Variants in PLA2G5 observed in about 807,000 individuals in gnomAD.
PLA2G5 encodes Ca2+-dependent phospholipase A2.
In PLA2G5, 12 loss-of-function variants were observed where a neutral mutation model predicts 15.9. The observed-to-expected ratio is 0.76, with a 90% CI of 0.48 to 1.23. The LOEUF (loss-of-function observed/expected upper bound fraction) is 1.23. Ranked by LOEUF, PLA2G5 falls within the 50% of genes most tolerant of loss-of-function variation. PLA2G5 has a pLI of 0.00. For synonymous variants in PLA2G5, 71 were observed against 71.4 expected, an observed-to-expected ratio of 0.99 and a Z score of 0.03; for missense variants, 169 against 177.1, an observed-to-expected ratio of 0.95 and a Z score of 0.26.
At chr1:20,059,431 AAG>A (rs548383677) in intron 1 of PLA2G5, among the ~76,000 whole-genome samples, 6 of 151,936 alleles carry the variant, frequency 3.9e-5, no homozygotes, top group Non-Finnish European at 7.4e-5. Flanking sequence ...TAAAAAAAAA[AAG>A]AGAGAGAGAG....
chr1:20,079,110 T>C, intron 1 of PLA2G5, among the ~76,000 whole-genome samples: 2 of 61,816 alleles, frequency 3.2e-5, no homozygotes, highest in Admixed American at 2.0e-4. Context: ...ACAGACCCTG[T>C]CTCAAAAAAA....
intron 1 of PLA2G5, among the ~76,000 whole-genome samples, chr1:20,046,399 A>T (rs979019212): frequency 6.6e-6 from 1 of 152,246 alleles, no homozygotes. Flanking sequence ...AAAAACAAAC[A>T]AACAAAAATC....
At chr1:20,073,791 A>T (rs916265010) in intron 1 of PLA2G5, among the ~76,000 whole-genome samples, 1 of 151,888 alleles carries the variant, frequency 6.6e-6, no homozygotes, top group African/African-American at 2.4e-5. Context: ...AATCACTTGA[A>T]CCTGAGAGGC....
At chr1:20,086,374 C>T (rs1183505910) in intron 3 of PLA2G5, 147 bp downstream of exon 3, 2 of 917,356 alleles carry the variant, frequency 2.2e-6, no homozygotes, top group Non-Finnish European at 3.3e-6. Context: ...AGCTGGCAAT[C>T]CCAAGATCTC....
chr1:20,087,416 C>T (rs927083751), intron 3 of PLA2G5, among the ~76,000 whole-genome samples: 2 of 151,458 alleles, frequency 1.3e-5, no homozygotes, highest in Non-Finnish European at 2.9e-5. Flanking sequence ...TTTTTTGAGA[C>T]GGAGTCTTGC....
At chr1:20,036,297 C>T (rs2013245618) in intron 1 of PLA2G5, among the ~76,000 whole-genome samples, 1 of 152,142 alleles carries the variant, frequency 6.6e-6, no homozygotes, top group African/African-American at 2.4e-5. Context: ...CTAGCAAGGC[C>T]AGAAAAATTT....
chr1:20,062,591 T>G (rs1363600806), intron 2 of PLA2G5, among the ~76,000 whole-genome samples: 4 of 152,076 alleles, frequency 2.6e-5, no homozygotes, highest in African/African-American at 7.2e-5. Context: ...CTCAGGAGTT[T>G]CAGACCAGCC....
chr1:20,089,855 G>C lies in PLA2G5; in HGVS notation c.252G>C (p.Gln84His). The change falls in exon 4 of 5, where the codon CAG becomes CAC. Residue 84 changes from glutamine (Q) to histidine (H), a missense_variant. By Grantham distance (24) the Gln-to-His change is conservative. Coordinates refer to ENST00000375108, the MANE Select transcript of PLA2G5 (RefSeq NM_000929.3). ...LEEKGCNIRT[Q>H]SYKYRFAWGV... The stretch of plus-strand genomic sequence containing the variant: ...AGAAGGGCTGCAACATTCGCACACA[G>C]TCCTACAAATACAGATTCGCGTGGG... The C allele has an allele frequency of 6.2e-7, 1 of 1,614,124 alleles. No individual in the cohort carries two copies. The highest frequency in any genetic ancestry group is 8.5e-7 in the Non-Finnish European group (1 of 1,179,988).
intron 1 of PLA2G5, among the ~76,000 whole-genome samples, chr1:20,029,089 G>A (rs2012736576): frequency 6.6e-6 from 1 of 152,314 alleles, no homozygotes; most frequent in East Asian, 1.9e-4. Flanking sequence ...AGGGCTTTCT[G>A]TATCCTGTGA....
Position 20,084,764 on chromosome 1 carries a change from A to G in PLA2G5, c.-10-57A>G, listed in dbSNP as rs1166116644. 24 of 1,176,010 alleles carry G rather than the reference A, an allele frequency of 2.0e-5. No individual in the cohort carries two copies. In the Admixed American group the frequency reaches 3.7e-4, roughly 18 times the overall value. The allele number at this position is 1,176,010 out of a possible 1,614,324, so 72.8% of individuals were successfully genotyped here. A position where few individuals can be genotyped will look rare whatever the true frequency, so the allele number is the denominator to read the frequency against. The stretch of plus-strand genomic sequence containing the variant: ...GGTGGAGAGCCAGGGTGGGATCTGA[A>G]TGGGCCACGGGGGCATTGCCTGATA... On this transcript the variant is annotated intron_variant, in intron 1 of 4. Coordinates refer to ENST00000375108, the MANE Select transcript of PLA2G5 (RefSeq NM_000929.3).
intron 1 of PLA2G5, among the ~76,000 whole-genome samples, chr1:20,076,383 C>T (rs1269339629): frequency 6.6e-6 from 1 of 152,178 alleles, no homozygotes; most frequent in Non-Finnish European, 1.5e-5. Context: ...ACTCAGCTCT[C>T]ACTTTTCCAC....
At chr1:20,030,267 A>G (rs1293071565) in intron 1 of PLA2G5, among the ~76,000 whole-genome samples, 3 of 151,790 alleles carry the variant, frequency 2.0e-5, no homozygotes, top group Non-Finnish European at 2.9e-5. Context: ...GTAATGGTGG[A>G]GAGAGGGTCA....
At chr1:20,052,329 C>T (rs963207180) in intron 1 of PLA2G5, among the ~76,000 whole-genome samples, 3 of 152,114 alleles carry the variant, frequency 2.0e-5, no homozygotes, top group African/African-American at 7.2e-5. Flanking sequence ...CTTTATTCCT[C>T]CATTTTTCCT....
intron 2 of PLA2G5, among the ~76,000 whole-genome samples, chr1:20,060,247 C>CTTTTTTTTTTTTTTTTTTTTTTTTT (rs71585739): frequency 1.2e-5 from 1 of 83,690 alleles, no homozygotes; most frequent in Non-Finnish European, 2.1e-5. Context: ...CTTTTTTCTT[C>CTTTTTTTTTTTTTTTTTTTTTTTTT]TTTTTTTTTT....
chr1:20,088,826 G>A (rs999854851), intron 3 of PLA2G5: 2 of 152,454 alleles, frequency 1.3e-5, no homozygotes, highest in African/African-American at 4.8e-5. Flanking sequence ...TTGAGACAGG[G>A]TCTCACTCTG....
intron 1 of PLA2G5, among the ~76,000 whole-genome samples, chr1:20,055,756 C>T (rs142489796): frequency 1.1e-4 from 16 of 152,262 alleles, no homozygotes; most frequent in African/African-American, 3.4e-4. Flanking sequence ...CTTAAAGTTG[C>T]AGGAGGTCTA....
At chr1:20,069,905 T>C (rs1284848357), upstream of PLA2G5, among the ~76,000 whole-genome samples, 5 of 151,970 alleles carry the variant, frequency 3.3e-5, no homozygotes, top group Non-Finnish European at 7.4e-5. Flanking sequence ...CAGTATTGTG[T>C]TCATGTTCTT....
At chr1:20,076,073 T>C (rs2015656857) in intron 1 of PLA2G5, among the ~76,000 whole-genome samples, 1 of 151,980 alleles carries the variant, frequency 6.6e-6, no homozygotes, top group South Asian at 2.1e-4. Flanking sequence ...GGGTTTCACC[T>C]CACTGGCCAG....
intron 1 of PLA2G5, among the ~76,000 whole-genome samples, chr1:20,074,359 G>A (rs2015556446): frequency 6.6e-6 from 1 of 152,172 alleles, no homozygotes; most frequent in African/African-American, 2.4e-5. Flanking sequence ...AGGGCAGGGA[G>A]CACAAAATAA....
Sources: allele counts gnomAD v4.1 joint callset (sites outside exome capture counted in the v4.1 genomes callset), GRCh38; gene constraint gnomAD v4.1.1; transcripts MANE v1.5; gene names NCBI Gene and HGNC (gene_info 2026-07-23, HGNC 2026-07-21).